The following BBX variants were observed in gnomAD, a reference collection of about 807,000 sequenced individuals.
BBX encodes the protein HMG box transcription factor BBX.
BBX carries 30 observed loss-of-function variants against 100.2 expected under a neutral mutation model. The ratio of observed to expected loss-of-function variants is 0.30; its 90% CI spans 0.22 to 0.41. BBX has a LOEUF of 0.41. Among genes scored for constraint, BBX ranks in the 10% least tolerant of loss-of-function variants. The probability of loss-of-function intolerance (pLI) is 1.00; values close to 1 mark genes in which losing one functional copy is unlikely to be tolerated. For synonymous variants in BBX, 376 were observed against 388.1 expected, an observed-to-expected ratio of 0.97 and a Z score of 0.37; for missense variants, 1,023 against 1,129.8, an observed-to-expected ratio of 0.91 and a Z score of 1.35.
intron 3 of BBX, among the ~76,000 whole-genome samples, chr3:107,652,229 A>C (rs1344273512): frequency 2.0e-5 from 3 of 152,032 alleles, no homozygotes; most frequent in East Asian, 3.9e-4. Flanking sequence ...CTGTGTGTAC[A>C]TATGTGTTTC....
intron 4 of BBX, among the ~76,000 whole-genome samples, chr3:107,711,604 C>T (rs1235340833): frequency 3.9e-5 from 6 of 152,078 alleles, no homozygotes; most frequent in Non-Finnish European, 5.9e-5. Flanking sequence ...AAATAGAGGC[C>T]ACCAGAAGTT....
intron 2 of BBX, among the ~76,000 whole-genome samples, chr3:107,636,844 T>C (rs2056877721): frequency 6.6e-6 from 1 of 152,232 alleles, no homozygotes; most frequent in Non-Finnish European, 1.5e-5. Context: ...GGATTAATTA[T>C]TGGTAGAGCA....
chr3:107,618,578 T>G (rs1414700968), intron 2 of BBX, among the ~76,000 whole-genome samples: 2 of 152,098 alleles, frequency 1.3e-5, no homozygotes, highest in African/African-American at 4.8e-5. Flanking sequence ...GTTCTACTCA[T>G]GTTGATATGC....
intron 2 of BBX, among the ~76,000 whole-genome samples, chr3:107,531,476 C>T (rs190964701): frequency 2.6e-5 from 4 of 152,216 alleles, no homozygotes; most frequent in Admixed American, 6.5e-5. Flanking sequence ...ATGTAGGACC[C>T]TTATTCACAG....
chr3:107,710,657 T>C, intron 4 of BBX, 35 bp downstream of exon 4: 3 of 1,526,266 alleles, frequency 2.0e-6, no homozygotes, highest in Non-Finnish European at 2.7e-6. Flanking sequence ...GTTTCAAGTT[T>C]ATTAGAGCAA....
chr3:107,760,523 C>G (rs1386989689), intron 10 of BBX, among the ~76,000 whole-genome samples: 1 of 152,050 alleles, frequency 6.6e-6, no homozygotes, highest in Non-Finnish European at 1.5e-5. Flanking sequence ...AGCTTATTCT[C>G]TAGTTGTAGA....
chr3:107,563,331 C>A lies in BBX; in HGVS notation c.-84+36933C>A, dbSNP rs567600713. ...TTTAGGTCCATCTCACAGAGCCAGA[C>A]TGAAGGCAGTACCCGCTACTTCCTA... On this transcript the variant is annotated intron_variant, in intron 2 of 17. Transcript: ENST00000325805. 2.0e-5 allele frequency among the ~76,000 whole-genome samples: 3 copies of A among 152,296 alleles called. No homozygotes were observed. In the South Asian group the frequency reaches 6.2e-4, roughly 32 times the overall value.
At chr3:107,594,474 A>G (rs563132642) in intron 2 of BBX, among the ~76,000 whole-genome samples, 7 of 152,300 alleles carry the variant, frequency 4.6e-5, no homozygotes, top group South Asian at 4.2e-4. Flanking sequence ...GGAGATGACA[A>G]TGATGGTGTT....
intron 3 of BBX, among the ~76,000 whole-genome samples, chr3:107,670,045 G>A (rs1299173926): frequency 6.6e-6 from 1 of 152,048 alleles, no homozygotes; most frequent in African/African-American, 2.4e-5. Context: ...ATTCTTTCAT[G>A]TATATTAGTA....
intron 3 of BBX, among the ~76,000 whole-genome samples, chr3:107,686,114 C>CTAA (rs2059830746): frequency 6.6e-6 from 1 of 152,082 alleles, no homozygotes; most frequent in African/African-American, 2.4e-5. Context: ...TTTACTCATA[C>CTAA]TAATAGTACA....
At chr3:107,786,831 A>C (rs1178154013) in intron 13 of BBX, among the ~76,000 whole-genome samples, 3 of 152,216 alleles carry the variant, frequency 2.0e-5, no homozygotes, top group Non-Finnish European at 2.9e-5. Context: ...TTCAAAGAAC[A>C]CTGCCAAGAA....
intron 13 of BBX, among the ~76,000 whole-genome samples, chr3:107,788,961 A>G (rs2107918984): frequency 6.6e-6 from 1 of 152,244 alleles, no homozygotes; most frequent in African/African-American, 2.4e-5. Flanking sequence ...TTGTATAGTG[A>G]TGGAATGGCC....
chr3:107,798,861 A>C (rs2070066467), intron 16 of BBX, 141 bp downstream of exon 16: 1 of 968,756 alleles, frequency 1.0e-6, no homozygotes, highest in Non-Finnish European at 1.5e-6. Flanking sequence ...CAAAAACAAA[A>C]AAAACCAGGC....
chr3:107,660,129 ATC>A (rs1335638244), intron 3 of BBX, among the ~76,000 whole-genome samples: 2 of 152,140 alleles, frequency 1.3e-5, no homozygotes, highest in Non-Finnish European at 2.9e-5. Flanking sequence ...AAAATTGTTC[ATC>A]TGTGTGTGAT....
rs1475716346 is a variant in BBX, at chr3:107,526,417, C to T, written c.-84+19C>T. 5.0e-6 allele frequency: 2 copies of T among 398,360 alleles called. No homozygotes were observed. The highest frequency in any genetic ancestry group is 8.8e-6 in the Non-Finnish European group (2 of 226,030). The allele number at this position is 398,360 out of a possible 1,614,324, so 24.7% of individuals were successfully genotyped here. On this transcript the variant is annotated intron_variant, in intron 2 of 17. Coordinates refer to ENST00000325805, the MANE Select transcript of BBX (RefSeq NM_001142568.3). The stretch of plus-strand genomic sequence containing the variant: ...TTCCTGGGTAAGTATGCAAACTGTT[C>T]GTACAGGGAAGCAGGATGACAATTA...
intron 2 of BBX, among the ~76,000 whole-genome samples, chr3:107,560,810 TG>T (rs912198111): frequency 6.6e-6 from 1 of 152,194 alleles, no homozygotes; most frequent in Non-Finnish European, 1.5e-5. Context: ...AAGTGAGTTT[TG>T]GGTTATCGGG....
At chr3:107,696,330 T>C (rs2060597285) in intron 3 of BBX, among the ~76,000 whole-genome samples, 1 of 151,860 alleles carries the variant, frequency 6.6e-6, no homozygotes, top group Admixed American at 6.5e-5. Flanking sequence ...TTGCAGTGGC[T>C]GGTACCGGTT....
intron 3 of BBX, among the ~76,000 whole-genome samples, chr3:107,659,160 T>A (rs984435301): frequency 6.6e-6 from 1 of 151,942 alleles, no homozygotes; most frequent in Non-Finnish European, 1.5e-5. Context: ...ATCAGTCTGA[T>A]GAGAGGTAGG....
intron 3 of BBX, among the ~76,000 whole-genome samples, chr3:107,679,872 ATTATG>A (rs2059484850): frequency 6.6e-6 from 1 of 152,158 alleles, no homozygotes; most frequent in Non-Finnish European, 1.5e-5. Flanking sequence ...GTTTTAATTT[ATTATG>A]TTACTTAACC....
Sources: gnomAD v4.1 joint callset for allele counts (sites outside exome capture counted in the v4.1 genomes callset) on GRCh38, gnomAD v4.1.1 for gene constraint, MANE v1.5 for transcripts, NCBI Gene and HGNC (gene_info 2026-07-23, HGNC 2026-07-21) for gene names.